The following ABI2 variants were observed in gnomAD, a reference collection of about 807,000 sequenced individuals.
ABI2 encodes the protein abelson interactor 2.
ABI2 carries 25 observed loss-of-function variants against 59.2 expected under a neutral mutation model. The observed-to-expected ratio is 0.42, with a 90% CI of 0.31 to 0.59. ABI2 has a LOEUF of 0.59. Among genes scored for constraint, ABI2 ranks in the 20% least tolerant of loss-of-function variants. The probability of loss-of-function intolerance (pLI) is 0.14; values close to 1 mark genes in which losing one functional copy is unlikely to be tolerated. For missense variants in ABI2, 545 were observed against 681.8 expected, an observed-to-expected ratio of 0.80 and a Z score of 2.23; for synonymous variants, 213 against 235.5, an observed-to-expected ratio of 0.90 and a Z score of 0.87.
intron 2 of ABI2, among the ~76,000 whole-genome samples, chr2:203,367,896 T>C (rs2094619561): frequency 6.6e-6 from 1 of 151,872 alleles, no homozygotes; most frequent in African/African-American, 2.4e-5. Flanking sequence ...CCCAGCTACT[T>C]GGGAGGCTAA....
At chr2:203,372,747 C>T (rs1256109404) in intron 2 of ABI2, among the ~76,000 whole-genome samples, 1 of 151,242 alleles carries the variant, frequency 6.6e-6, no homozygotes, top group East Asian at 2.0e-4. Flanking sequence ...CTCCTCACTT[C>T]TCAGACGGGG....
chr2:203,427,073 G>T, intron 11 of ABI2, 104 bp from the exon 12 acceptor site: 1 of 955,154 alleles, frequency 1.0e-6, no homozygotes, highest in South Asian at 1.7e-5. Context: ...CACCATGTTT[G>T]AGTGCTACAG....
intron 8 of ABI2, among the ~76,000 whole-genome samples, chr2:203,402,237 G>A (rs564288081): frequency 1.3e-5 from 2 of 152,218 alleles, no homozygotes; most frequent in African/African-American, 2.4e-5. Flanking sequence ...GTTTCACCAC[G>A]TTGGCCAGGC....
chr2:203,353,848 G>T (rs1040555636), intron 1 of ABI2, among the ~76,000 whole-genome samples: 31 of 152,138 alleles, frequency 2.0e-4, no homozygotes, highest in African/African-American at 7.5e-4. Context: ...GTCTCCATAT[G>T]TCCATGTGAT....
At chr2:203,334,668 AT>A (rs11390894) in intron 1 of ABI2, among the ~76,000 whole-genome samples, 37 of 146,766 alleles carry the variant, frequency 2.5e-4, no homozygotes, top group African/African-American at 3.0e-4. Context: ...CTAGTTGTAG[AT>A]TTTTTTTTTT....
chr2:203,387,382 G>A (rs759047068), intron 4 of ABI2, among the ~76,000 whole-genome samples: 16 of 152,212 alleles, frequency 1.1e-4, no homozygotes, highest in African/African-American at 3.9e-4. Flanking sequence ...TTGGCTTAAT[G>A]TGTGGTGCCA....
intron 5 of ABI2, among the ~76,000 whole-genome samples, chr2:203,392,137 G>T (rs531673522): frequency 2.6e-5 from 4 of 152,182 alleles, no homozygotes; most frequent in Admixed American, 2.6e-4. Flanking sequence ...ATTTTTCAAG[G>T]TCACTGTACC....
chr2:203,344,326 C>CAAGTA (rs2081838092), intron 1 of ABI2, among the ~76,000 whole-genome samples: 1 of 151,996 alleles, frequency 6.6e-6, no homozygotes, highest in Admixed American at 6.6e-5. Context: ...TGATGTATTT[C>CAAGTA]CTGATGAAAA....
chr2:203,338,941 T>TAA (rs2077907398), intron 1 of ABI2, among the ~76,000 whole-genome samples: 1 of 6,224 alleles, frequency 1.6e-4, no homozygotes, highest in East Asian at 5.0e-3. Flanking sequence ...TATGTATATA[T>TAA]ATATATATAT....
intron 1 of ABI2, among the ~76,000 whole-genome samples, chr2:203,341,702 TC>T (rs1364700406): frequency 1.3e-5 from 2 of 152,086 alleles, no homozygotes; most frequent in African/African-American, 2.4e-5. Context: ...AGAGCGAGAC[TC>T]CATCTCAAAA....
Position 203,376,171 on chromosome 2 carries a change from T to C in ABI2, c.286-4037T>C, listed in dbSNP as rs1241845449. 4 of 1,459,542 alleles carry C rather than the reference T, an allele frequency of 2.7e-6. No individual in the cohort carries two copies. In the East Asian group the frequency reaches 1.0e-4, roughly 36 times the overall value. The allele number at this position is 1,459,542 out of a possible 1,614,324, so 90.4% of individuals were successfully genotyped here. A position where few individuals can be genotyped will look rare whatever the true frequency, so the allele number is the denominator to read the frequency against. ...TAATTAGTCCTTCCTCTATAGATCT[T>C]TGGTTCTCAACCAGGGAAGTTTTGC... On this transcript the variant is annotated intron_variant, in intron 2 of 11. Transcript: ENST00000261018.
intron 4 of ABI2, among the ~76,000 whole-genome samples, chr2:203,385,896 T>A (rs2096485968): frequency 6.6e-6 from 1 of 152,224 alleles, no homozygotes; most frequent in Non-Finnish European, 1.5e-5. Flanking sequence ...ACTCCTAATC[T>A]TATGTTCCCT....
chr2:203,387,074 TTTC>T (rs767340566), intron 4 of ABI2, among the ~76,000 whole-genome samples: 4,644 of 130,788 alleles, frequency 0.036, 251 homozygotes, highest in African/African-American at 0.12. Flanking sequence ...TTTTTTTTTT[TTTC>T]CCCACATGCC....
chr2:203,377,703 C>T (rs1420108908), intron 2 of ABI2, among the ~76,000 whole-genome samples: 1 of 152,192 alleles, frequency 6.6e-6, no homozygotes, highest in Non-Finnish European at 1.5e-5. Context: ...CTTAGGAGTT[C>T]AAGACCTGCC....
chr2:203,355,829 CAAAAAAAA>C (rs771519788), intron 1 of ABI2, among the ~76,000 whole-genome samples: 2 of 68,512 alleles, frequency 2.9e-5, no homozygotes, highest in Non-Finnish European at 5.4e-5. Context: ...AAAACTGTCT[CAAAAAAAA>C]AAAAAAAAAA....
intron 11 of ABI2, among the ~76,000 whole-genome samples, chr2:203,425,914 G>A (rs1398197512): frequency 6.6e-6 from 1 of 152,024 alleles, no homozygotes; most frequent in Non-Finnish European, 1.5e-5. Flanking sequence ...CCCAGCACTT[G>A]GGAGGCTGAG....
intron 1 of ABI2, among the ~76,000 whole-genome samples, chr2:203,358,019 C>G (rs1345649707): frequency 6.6e-6 from 1 of 151,810 alleles, no homozygotes; most frequent in Non-Finnish European, 1.5e-5. Flanking sequence ...CCATCCGCCT[C>G]AGCCTCCTGA....
intron 1 of ABI2, among the ~76,000 whole-genome samples, chr2:203,354,400 T>G (rs2090754969): frequency 6.6e-6 from 1 of 152,184 alleles, no homozygotes; most frequent in African/African-American, 2.4e-5. Flanking sequence ...TTTTTTTGAC[T>G]TGCTTAGTTA....
chr2:203,371,354 A>G (rs2095167145), intron 2 of ABI2, among the ~76,000 whole-genome samples: 1 of 152,244 alleles, frequency 6.6e-6, no homozygotes, highest in South Asian at 2.1e-4. Flanking sequence ...ACAAAGTAAT[A>G]ACCCACTCTT....
Sources: allele counts gnomAD v4.1 joint callset (sites outside exome capture counted in the v4.1 genomes callset), GRCh38; gene constraint gnomAD v4.1.1; transcripts MANE v1.5; gene names NCBI Gene and HGNC (gene_info 2026-07-23, HGNC 2026-07-21).